The following EYS variants were observed in gnomAD, a reference collection of about 807,000 sequenced individuals.
EYS encodes the protein protein eyes shut homolog.
EYS carries 250 observed loss-of-function variants against 282.1 expected under a neutral mutation model. That is an observed-to-expected ratio of 0.89 (90% CI 0.80 to 0.98). EYS has a LOEUF of 0.98. EYS is among the 50% of genes least tolerant of loss of function. The pLI, the probability that EYS is intolerant of heterozygous loss-of-function variation, is 0.00. For synonymous variants in EYS, 1,355 were observed against 1,282.9 expected (o/e 1.06, Z -1.20); for missense variants, 4,016 against 3,709.0 (o/e 1.08, Z -2.15).
intron 5 of EYS, among the ~76,000 whole-genome samples, chr6:65,481,567 G>T (rs1765607285): frequency 6.6e-6 from 1 of 152,006 alleles, no homozygotes; most frequent in South Asian, 2.1e-4. Flanking sequence ...GTTTTGTTTT[G>T]AGACGGAGTC....
chr6:64,866,854 T>G (rs1327955337), intron 19 of EYS, among the ~76,000 whole-genome samples: 1 of 151,658 alleles, frequency 6.6e-6, no homozygotes, highest in Non-Finnish European at 1.5e-5. Context: ...ACATTAAGAG[T>G]GATGAAACAG....
intron 26 of EYS, among the ~76,000 whole-genome samples, chr6:64,493,432 C>T (rs1019181846): frequency 6.6e-6 from 1 of 151,448 alleles, no homozygotes; most frequent in African/African-American, 2.4e-5. Context: ...GAAACAGTCA[C>T]TTTATGATAG....
chr6:64,081,782 T>C, intron 32 of EYS, 74 bp downstream of exon 32: 1 of 1,209,166 alleles, frequency 8.3e-7, no homozygotes, highest in Non-Finnish European at 1.1e-6. Flanking sequence ...TTTAAATGAA[T>C]AAATCATTGA....
chr6:64,383,677 A>G (rs1337148715), intron 29 of EYS, among the ~76,000 whole-genome samples: 1 of 152,238 alleles, frequency 6.6e-6, no homozygotes, highest in African/African-American at 2.4e-5. Context: ...TAAGAGACTT[A>G]CATTTGTTGT....
intron 12 of EYS, among the ~76,000 whole-genome samples, chr6:65,262,081 C>T (rs1416604805): frequency 6.6e-6 from 1 of 152,064 alleles, no homozygotes; most frequent in African/African-American, 2.4e-5. Flanking sequence ...TGTATCCCAT[C>T]CCTAAATCTC....
At chr6:63,997,723 A>G (rs2149801254) in intron 34 of EYS, among the ~76,000 whole-genome samples, 1 of 152,336 alleles carries the variant, frequency 6.6e-6, no homozygotes, top group South Asian at 2.1e-4. Flanking sequence ...GGCTATAAAT[A>G]TGTCATATTT....
At chr6:64,798,181 A>G (rs1031528693) in intron 22 of EYS, among the ~76,000 whole-genome samples, 5 of 151,932 alleles carry the variant, frequency 3.3e-5, no homozygotes, top group African/African-American at 1.2e-4. Flanking sequence ...GAATGATACA[A>G]AAGTCTTTAA....
intron 2 of EYS, among the ~76,000 whole-genome samples, chr6:65,619,574 G>A (rs1766383109): frequency 6.6e-6 from 1 of 152,026 alleles, no homozygotes; most frequent in South Asian, 2.1e-4. Context: ...GCCCTGGCCA[G>A]AACTTCCAAC....
chr6:64,682,470 T>C (rs941456612), intron 22 of EYS, among the ~76,000 whole-genome samples: 3 of 152,160 alleles, frequency 2.0e-5, no homozygotes, highest in African/African-American at 7.2e-5. Flanking sequence ...ACGAAAGTGT[T>C]AATTGGATGC....
At chr6:64,909,066 G>A (rs568442318) in intron 16 of EYS, among the ~76,000 whole-genome samples, 4 of 152,098 alleles carry the variant, frequency 2.6e-5, no homozygotes, top group South Asian at 2.1e-4. Context: ...AGCTTTTACC[G>A]CATTGTACTT....
At chr6:64,352,113 T>G (rs1771664123) in intron 29 of EYS, among the ~76,000 whole-genome samples, 1 of 151,550 alleles carries the variant, frequency 6.6e-6, no homozygotes, top group Admixed American at 6.6e-5. Context: ...CCACTACCCA[T>G]TCTAATCTTT....
At chr6:65,075,892 G>A (rs1343904196) in intron 12 of EYS, among the ~76,000 whole-genome samples, 1 of 151,876 alleles carries the variant, frequency 6.6e-6, no homozygotes, top group South Asian at 2.1e-4. Flanking sequence ...GGCAACTACA[G>A]TAAAATCTCA....
intron 19 of EYS, among the ~76,000 whole-genome samples, chr6:64,875,090 C>T (rs1372819665): frequency 6.6e-6 from 1 of 152,026 alleles, no homozygotes; most frequent in East Asian, 1.9e-4. Flanking sequence ...AGAAATATAC[C>T]TGTAGGTCTG....
At chr6:65,330,584 A>G (rs1582147917) in intron 11 of EYS, 1 of 970,334 alleles carries the variant, frequency 1.0e-6, no homozygotes, top group Non-Finnish European at 1.2e-6. Flanking sequence ...TCATTTATAT[A>G]ATGAATTTTA....
chr6:64,392,603 G>C (rs201292139), intron 28 of EYS, among the ~76,000 whole-genome samples: 2 of 151,576 alleles, frequency 1.3e-5, no homozygotes, highest in East Asian at 3.9e-4. Flanking sequence ...CAACATACCA[G>C]AATCTCTGGG....
chr6:64,487,797 T>C (rs1159463196), intron 26 of EYS, among the ~76,000 whole-genome samples: 1 of 151,048 alleles, frequency 6.6e-6, no homozygotes, highest in African/African-American at 2.4e-5. Context: ...TTTATATCAA[T>C]ACCTATTATT....
intron 29 of EYS, among the ~76,000 whole-genome samples, chr6:64,308,280 G>T (rs1312904895): frequency 1.3e-5 from 2 of 151,846 alleles, no homozygotes. Context: ...AGATACTAAG[G>T]GTCCAAGAAC....
intron 39 of EYS, among the ~76,000 whole-genome samples, chr6:63,787,849 G>T (rs1770406168): frequency 6.6e-6 from 1 of 152,122 alleles, no homozygotes. Flanking sequence ...TGAGGCAGGA[G>T]AATCACTTGA....
At chr6:64,580,232 T>A (rs1766016347) in intron 26 of EYS, among the ~76,000 whole-genome samples, 1 of 152,136 alleles carries the variant, frequency 6.6e-6, no homozygotes. Flanking sequence ...ATTATGTCTA[T>A]TAACATATAA....
Sources: gnomAD v4.1 joint callset for allele counts (sites outside exome capture counted in the v4.1 genomes callset) on GRCh38, gnomAD v4.1.1 for gene constraint, MANE v1.5 for transcripts, NCBI Gene and HGNC (gene_info 2026-07-23, HGNC 2026-07-21) for gene names.